Variants in KCND2 observed in about 807,000 individuals in gnomAD.
KCND2 encodes the protein potassium voltage-gated channel subfamily D member 2.
KCND2 carries 16 observed loss-of-function variants against 54.4 expected under a neutral mutation model. The observed-to-expected ratio is 0.29, with a 90% confidence interval of 0.20 to 0.45. The LOEUF is 0.45. KCND2 is among the 20% of genes least tolerant of loss of function. The probability of loss-of-function intolerance (pLI) is 1.00; values close to 1 mark genes in which losing one functional copy is unlikely to be tolerated. For missense variants in KCND2, 486 were observed against 824.2 expected, an observed-to-expected ratio of 0.59 and a Z score of 5.02; for synonymous variants, 317 against 310.7, an observed-to-expected ratio of 1.02 and a Z score of -0.21.
intron 1 of KCND2, among the ~76,000 whole-genome samples, chr7:120,487,848 C>G (rs986601531): frequency 6.6e-6 from 1 of 152,050 alleles, no homozygotes; most frequent in Non-Finnish European, 1.5e-5. Flanking sequence ...AGAAGATATC[C>G]AAAGATTCTA....
chr7:120,472,851 C>T (rs1394378194), intron 1 of KCND2, among the ~76,000 whole-genome samples: 1 of 152,130 alleles, frequency 6.6e-6, no homozygotes, highest in Non-Finnish European at 1.5e-5. Context: ...CAGCCATGGA[C>T]GTGGAAATAA....
intron 1 of KCND2, among the ~76,000 whole-genome samples, chr7:120,560,215 T>A (rs1792216479): frequency 6.6e-6 from 1 of 152,188 alleles, no homozygotes; most frequent in Admixed American, 6.6e-5. Flanking sequence ...AAAATATTTT[T>A]CCAAAGTCCC....
At position 120,595,259 on chromosome 7, in the gene KCND2, C is replaced by T. The variant is rs149066020; in HGVS notation, c.1116-137644C>T. Among the ~76,000 whole-genome samples, 422 of 151,516 alleles carry T rather than the reference C, an allele frequency of 2.8e-3. 3 individuals are homozygous for T. The highest frequency in any genetic ancestry group is 9.4e-3 in the African/African-American group (388 of 41,306). On this transcript the variant is annotated intron_variant, in intron 1 of 5. Coordinates refer to ENST00000331113, the MANE Select transcript of KCND2 (RefSeq NM_012281.3). ...TTGAGGTCAGGAGTTCGAGACCAGCCTGGTCAACATGGTGAAACCCCATCT... is the reference window on the plus strand; with the variant it reads ...TTGAGGTCAGGAGTTCGAGACCAGCTTGGTCAACATGGTGAAACCCCATCT...
At chr7:120,339,331 A>G (rs1271177929) in intron 1 of KCND2, among the ~76,000 whole-genome samples, 3 of 152,196 alleles carry the variant, frequency 2.0e-5, no homozygotes, top group Non-Finnish European at 4.4e-5. Flanking sequence ...ATATGAAAAA[A>G]AACACATAGA....
intron 1 of KCND2, among the ~76,000 whole-genome samples, chr7:120,477,878 C>T (rs777338991): frequency 5.9e-5 from 9 of 152,060 alleles, no homozygotes; most frequent in Non-Finnish European, 1.0e-4. Flanking sequence ...TTACAAGGCA[C>T]GCAAACTGAA....
At chr7:120,461,949 A>G (rs866540112) in intron 1 of KCND2, among the ~76,000 whole-genome samples, 1 of 152,162 alleles carries the variant, frequency 6.6e-6, no homozygotes, top group Non-Finnish European at 1.5e-5. Flanking sequence ...ATAACCAACA[A>G]ATTATTTTCA....
intron 1 of KCND2, among the ~76,000 whole-genome samples, chr7:120,649,375 A>G (rs1174933837): frequency 1.3e-5 from 2 of 152,210 alleles, no homozygotes; most frequent in African/African-American, 2.4e-5. Context: ...AAGTAAGACT[A>G]TAATGCTCAA....
At chr7:120,592,625 T>C (rs1411665058) in intron 1 of KCND2, among the ~76,000 whole-genome samples, 1 of 152,250 alleles carries the variant, frequency 6.6e-6, no homozygotes, top group East Asian at 1.9e-4. Flanking sequence ...CAAAATGTCT[T>C]ATAAAGTCAA....
intron 1 of KCND2, among the ~76,000 whole-genome samples, chr7:120,610,061 G>A (rs1346929155): frequency 2.0e-5 from 3 of 152,098 alleles, no homozygotes; most frequent in Non-Finnish European, 1.5e-5. Context: ...CCTGCTACTG[G>A]CTGAGTGTTA....
intron 1 of KCND2, among the ~76,000 whole-genome samples, chr7:120,501,066 G>A (rs889014521): frequency 1.3e-5 from 2 of 151,830 alleles, no homozygotes; most frequent in African/African-American, 2.4e-5. Context: ...ATATTTTGAG[G>A]GTTTTGTTTG....
chr7:120,649,914 T>A (rs1377232439), intron 1 of KCND2, among the ~76,000 whole-genome samples: 1 of 152,214 alleles, frequency 6.6e-6, no homozygotes, highest in Non-Finnish European at 1.5e-5. Context: ...GGTTGAAAAT[T>A]CTTTTCTTTA....
chr7:120,680,439 TA>T (rs1199011964), intron 1 of KCND2, among the ~76,000 whole-genome samples: 3 of 152,030 alleles, frequency 2.0e-5, no homozygotes, highest in Non-Finnish European at 2.9e-5. Context: ...GCCGTATAAA[TA>T]AAACCAGGCA....
At chr7:120,320,969 G>A (rs1799886533) in intron 1 of KCND2, among the ~76,000 whole-genome samples, 1 of 152,116 alleles carries the variant, frequency 6.6e-6, no homozygotes, top group African/African-American at 2.4e-5. Context: ...ATTTTTCAGT[G>A]GGCTTTTGTT....
chr7:120,683,860 G>C (rs547418946), intron 1 of KCND2, among the ~76,000 whole-genome samples: 15 of 152,134 alleles, frequency 9.9e-5, no homozygotes, highest in African/African-American at 3.6e-4. Flanking sequence ...TTTCAGAGAT[G>C]CATGGACTTG....
Position 120,274,761 on chromosome 7 carries a change from T to C in KCND2, c.129T>C (p.Ile43=), listed in dbSNP as rs987795989. The C allele has an allele frequency of 6.2e-7, 1 of 1,614,136 alleles. No individual in the cohort carries two copies. The highest frequency in any genetic ancestry group is 8.5e-7 in the Non-Finnish European group (1 of 1,180,022). ...QERKRTQDAL[I]VLNVSGTRFQ... ...GGAAAAGGACCCAAGATGCTCTCAT[T>C]GTGCTGAATGTGAGTGGCACCCGCT... Residue 43 remains isoleucine (I), a synonymous_variant, in exon 1 of 6, where the codon ATT becomes ATC. Transcript: ENST00000331113.
At chr7:120,517,704 G>A (rs915565365) in intron 1 of KCND2, among the ~76,000 whole-genome samples, 1 of 152,066 alleles carries the variant, frequency 6.6e-6, no homozygotes, top group Non-Finnish European at 1.5e-5. Context: ...TACCACTACT[G>A]CCAAATTTAA....
intron 1 of KCND2, among the ~76,000 whole-genome samples, chr7:120,436,209 TAAG>T (rs1414923654): frequency 4.6e-5 from 7 of 152,162 alleles, no homozygotes; most frequent in African/African-American, 1.7e-4. Context: ...TTGCCAAGAA[TAAG>T]AAGAATATTT....
At chr7:120,289,948 T>G (rs1799409772) in intron 1 of KCND2, among the ~76,000 whole-genome samples, 1 of 151,998 alleles carries the variant, frequency 6.6e-6, no homozygotes, top group Non-Finnish European at 1.5e-5. Flanking sequence ...CACATTGTGT[T>G]TTTGCTTATT....
intron 1 of KCND2, among the ~76,000 whole-genome samples, chr7:120,712,130 C>CTTT (rs11296028): frequency 0.018 from 2,132 of 120,292 alleles, 35 homozygotes; most frequent in African/African-American, 0.023. Context: ...AATAAGAAAG[C>CTTT]TTTTTTTTTT....
Sources: allele counts gnomAD v4.1 joint callset (sites outside exome capture counted in the v4.1 genomes callset), GRCh38; gene constraint gnomAD v4.1.1; transcripts MANE v1.5; gene names NCBI Gene and HGNC (gene_info 2026-07-23, HGNC 2026-07-21).